VAV3: variants seen among roughly 807,000 people sequenced by gnomAD.
VAV3 encodes guanine nucleotide exchange factor VAV3.
Under a neutral mutation model 131.2 loss-of-function variants are expected in VAV3, and 94 were observed. That is an observed-to-expected ratio of 0.72 (90% CI 0.61 to 0.85). The LOEUF is 0.85. Among genes scored for constraint, VAV3 ranks in the 40% least tolerant of loss-of-function variants. VAV3 has a pLI of 0.00. For missense variants in VAV3, 939 were observed against 1,002.7 expected (o/e 0.94, Z 0.86); for synonymous variants, 349 against 342.0 (o/e 1.02, Z -0.22).
At chr1:107,867,722 T>C (rs1179424045) in intron 2 of VAV3, among the ~76,000 whole-genome samples, 1 of 152,134 alleles carries the variant, frequency 6.6e-6, no homozygotes, top group African/African-American at 2.4e-5. Flanking sequence ...CTCCTGACAG[T>C]ACTCCTTGCC....
chr1:107,622,328 G>C (rs1653669637), intron 20 of VAV3, among the ~76,000 whole-genome samples: 1 of 152,118 alleles, frequency 6.6e-6, no homozygotes, highest in African/African-American at 2.4e-5. Context: ...CAATCTACCT[G>C]TACAGAGAAA....
At chr1:107,880,110 T>C (rs569407595) in intron 1 of VAV3, among the ~76,000 whole-genome samples, 2 of 152,248 alleles carry the variant, frequency 1.3e-5, no homozygotes, top group Non-Finnish European at 2.9e-5. Context: ...GACAAGTGAG[T>C]CCACGGTTGC....
chr1:107,866,811 A>T (rs1670005053), intron 2 of VAV3, among the ~76,000 whole-genome samples: 1 of 120,810 alleles, frequency 8.3e-6, no homozygotes, highest in Non-Finnish European at 1.7e-5. Context: ...CAAAAGAGCG[A>T]GACTCCATCT....
At chr1:107,907,894 T>C (rs1672180798) in intron 1 of VAV3, among the ~76,000 whole-genome samples, 1 of 152,186 alleles carries the variant, frequency 6.6e-6, no homozygotes. Context: ...ACATAGACAG[T>C]AACAGAGTTT....
Position 107,728,606 on chromosome 1 carries a change from T to TATACGTATACGTATACGTATAC in VAV3, c.1502+20361_1502+20362insGTATACGTATACGTATACGTAT, listed in dbSNP as rs1557798901. Among the ~76,000 whole-genome samples the TATACGTATACGTATACGTATAC allele has an allele frequency of 6.7e-3, 532 of 79,220 alleles. 11 individuals are homozygous for TATACGTATACGTATACGTATAC. The highest frequency in any genetic ancestry group is 0.017 in the African/African-American group (459 of 26,554). 52.0% of individuals were successfully genotyped at this position (79,220 alleles called of 152,430 possible). On this transcript the variant is annotated intron_variant, in intron 15 of 26. Coordinates refer to ENST00000370056, the MANE Select transcript of VAV3 (RefSeq NM_006113.5). Reference sequence around the variant, plus strand: ...AGTCATATGTATACGTATACGTATATGTATATGTATATGTATATGTATATG... The same window carrying TATACGTATACGTATACGTATAC: ...AGTCATATGTATACGTATACGTATATATACGTATACGTATACGTATACGTATATGTATATGTATATGTATATG...
At chr1:107,669,275 G>T (rs921887240) in intron 19 of VAV3, 23 of 1,274,362 alleles carry the variant, frequency 1.8e-5, no homozygotes, top group Middle Eastern at 2.2e-4. Context: ...TTTATCCTTC[G>T]CTGTGTAAGT....
chr1:107,746,850 A>G (rs1210771904), intron 15 of VAV3, among the ~76,000 whole-genome samples: 1 of 151,724 alleles, frequency 6.6e-6, no homozygotes, highest in Non-Finnish European at 1.5e-5. Flanking sequence ...GAGAAGTCAA[A>G]TGCTGACAAT....
chr1:107,883,369 T>C (rs541385927), intron 1 of VAV3, among the ~76,000 whole-genome samples: 1 of 152,200 alleles, frequency 6.6e-6, no homozygotes, highest in African/African-American at 2.4e-5. Context: ...AATACATCTA[T>C]ATTGTCTTTG....
At chr1:107,702,366 AG>A (rs1660185816) in intron 17 of VAV3, among the ~76,000 whole-genome samples, 1 of 152,204 alleles carries the variant, frequency 6.6e-6, no homozygotes, top group South Asian at 2.1e-4. Context: ...ATTACAATTC[AG>A]GATGAGATTT....
At chr1:107,586,060 T>C (rs1650462994) in intron 25 of VAV3, among the ~76,000 whole-genome samples, 1 of 151,960 alleles carries the variant, frequency 6.6e-6, no homozygotes, top group Non-Finnish European at 1.5e-5. Flanking sequence ...ACTATAGTTT[T>C]GTTTTTCATC....
chr1:107,934,993 C>A (rs1673638102), intron 1 of VAV3, among the ~76,000 whole-genome samples: 1 of 152,196 alleles, frequency 6.6e-6, no homozygotes, highest in Non-Finnish European at 1.5e-5. Flanking sequence ...CCTCTAATTT[C>A]CCTCTATCAC....
At chr1:107,910,722 G>A (rs1458075877) in intron 1 of VAV3, among the ~76,000 whole-genome samples, 1 of 152,054 alleles carries the variant, frequency 6.6e-6, no homozygotes, top group Admixed American at 6.6e-5. Context: ...GCTCATGCCT[G>A]TAATCCCAGA....
chr1:107,658,662 C>T (rs566054228), intron 19 of VAV3, among the ~76,000 whole-genome samples: 69 of 152,132 alleles, frequency 4.5e-4, no homozygotes, highest in African/African-American at 1.6e-3. Context: ...GAGATGGTAT[C>T]TTATTGTGGT....
intron 1 of VAV3, among the ~76,000 whole-genome samples, chr1:107,914,057 A>G (rs1672498771): frequency 6.6e-6 from 1 of 152,166 alleles, no homozygotes; most frequent in African/African-American, 2.4e-5. Flanking sequence ...GGCCTCCCAA[A>G]GTGCACAAAT....
intron 1 of VAV3, among the ~76,000 whole-genome samples, chr1:107,944,288 C>T (rs1280949723): frequency 6.6e-6 from 1 of 152,210 alleles, no homozygotes; most frequent in East Asian, 1.9e-4. Flanking sequence ...CTCTGCTTAG[C>T]TTGTCATAAA....
chr1:107,668,687 CTA>C (rs1042299472), intron 19 of VAV3: 9 of 985,334 alleles, frequency 9.1e-6, no homozygotes, highest in Non-Finnish European at 9.6e-6. Context: ...GTCCCAGGAA[CTA>C]TGTTTGGACA....
intron 2 of VAV3, among the ~76,000 whole-genome samples, chr1:107,870,157 T>C (rs1670188359): frequency 6.6e-6 from 1 of 152,176 alleles, no homozygotes; most frequent in South Asian, 2.1e-4. Context: ...TACCCAGTAG[T>C]GGGACTGCTG....
intron 2 of VAV3, among the ~76,000 whole-genome samples, chr1:107,864,877 T>C (rs886120579): frequency 5.3e-5 from 8 of 152,208 alleles, no homozygotes; most frequent in Admixed American, 3.3e-4. Flanking sequence ...GCAGGGGGTC[T>C]TGACTACCTG....
At chr1:107,787,739 T>C (rs779716578) in intron 2 of VAV3, among the ~76,000 whole-genome samples, 1 of 152,208 alleles carries the variant, frequency 6.6e-6, no homozygotes, top group African/African-American at 2.4e-5. Flanking sequence ...CTTATTTGAT[T>C]AAAAGTGGAT....
Sources: gnomAD v4.1 joint callset for allele counts (sites outside exome capture counted in the v4.1 genomes callset) on GRCh38, gnomAD v4.1.1 for gene constraint, MANE v1.5 for transcripts, NCBI Gene and HGNC (gene_info 2026-07-23, HGNC 2026-07-21) for gene names.